ZC3H18: variants seen among roughly 807,000 people sequenced by gnomAD.
The protein encoded by ZC3H18 is zinc finger CCCH-type containing 18, also known as zinc finger CCCH domain-containing protein 18.
A neutral mutation model predicts 106.1 loss-of-function variants in ZC3H18; 8 were observed. That is an observed-to-expected ratio of 0.08 (90% CI 0.04 to 0.14). The LOEUF (loss-of-function observed/expected upper bound fraction) is 0.14, where lower values mean the gene tolerates loss of function less well. ZC3H18 is among the 10% of genes least tolerant of loss of function. The pLI is 1.00. For missense variants in ZC3H18, 1,318 were observed against 1,278.4 expected, an observed-to-expected ratio of 1.03 and a Z score of -0.47; for synonymous variants, 635 against 522.1, an observed-to-expected ratio of 1.22 and a Z score of -2.95.
At chr16:88,603,023 G>C (rs1326477406) in intron 6 of ZC3H18, among the ~76,000 whole-genome samples, 1 of 151,274 alleles carries the variant, frequency 6.6e-6, no homozygotes, top group Non-Finnish European at 1.5e-5. Context: ...GGAGTGTAGT[G>C]GTGCCATCTT....
At chr16:88,620,754 A>G (rs1905907627) in intron 8 of ZC3H18, among the ~76,000 whole-genome samples, 1 of 152,166 alleles carries the variant, frequency 6.6e-6, no homozygotes, top group South Asian at 2.1e-4. Flanking sequence ...AAGAACCTGT[A>G]AAATGTGTAT....
intron 3 of ZC3H18, among the ~76,000 whole-genome samples, chr16:88,594,130 C>T (rs763564835): frequency 6.6e-5 from 10 of 152,242 alleles, no homozygotes; most frequent in South Asian, 4.1e-4. Flanking sequence ...TGAGCCACAG[C>T]GGCCCTTCAT....
chr16:88,586,776 G>A (rs757297589), intron 3 of ZC3H18, 92 bp downstream of exon 3: 4 of 976,422 alleles, frequency 4.1e-6, no homozygotes, highest in Admixed American at 2.0e-5. Flanking sequence ...GCCCTGCTCT[G>A]CTCAAGGCAG....
chr16:88,591,449 C>G (rs1024489879), intron 3 of ZC3H18, among the ~76,000 whole-genome samples: 1 of 152,154 alleles, frequency 6.6e-6, no homozygotes, highest in African/African-American at 2.4e-5. Flanking sequence ...GAGCACACCT[C>G]TAATTCCAGC....
intron 8 of ZC3H18, among the ~76,000 whole-genome samples, chr16:88,614,363 C>T (rs1432763256): frequency 1.3e-5 from 2 of 152,244 alleles, no homozygotes; most frequent in Non-Finnish European, 2.9e-5. Flanking sequence ...TTGTCCTCCT[C>T]ATCTTGTCCG....
chr16:88,598,544 A>G (rs1904575123), intron 4 of ZC3H18, 76 bp from the exon 5 acceptor site: 1 of 1,492,104 alleles, frequency 6.7e-7, no homozygotes, highest in Non-Finnish European at 9.2e-7. Flanking sequence ...GTTGTAGTTG[A>G]TGTTTTTACT....
At chr16:88,583,563 C>G (rs566934155) in intron 2 of ZC3H18, among the ~76,000 whole-genome samples, 20 of 152,332 alleles carry the variant, frequency 1.3e-4, no homozygotes, top group African/African-American at 4.8e-4. Context: ...TGGGCCTTTT[C>G]CCCCACTGCA....
At chr16:88,620,423 A>G (rs746327854) in intron 8 of ZC3H18, among the ~76,000 whole-genome samples, 1 of 152,090 alleles carries the variant, frequency 6.6e-6, no homozygotes, top group Non-Finnish European at 1.5e-5. Context: ...ACCTCAAATC[A>G]ATGTTTAATG....
chr16:88,577,406 T>A lies in ZC3H18; in HGVS notation c.283T>A (p.Ser95Thr). The part of the protein sequence containing the change: ...VNELSRGPTS[S>T]PCEEEGDEGE... Reference sequence around the variant, plus strand: ...TGAGCTGAGCCGGGGCCCGACCAGCTCCCCCTGCGAGGAGGAGGGGGACGA... The same window carrying A: ...TGAGCTGAGCCGGGGCCCGACCAGCACCCCCTGCGAGGAGGAGGGGGACGA... Residue 95 changes from serine (S) to threonine (T), a missense_variant, in exon 2 of 18, where the codon TCC (serine) becomes ACC (threonine). Physicochemically the swap from Ser to Thr is moderately conservative, Grantham distance 58. This residue lies in a region of ZC3H18 where 346 missense variants were observed against 269.0 expected (regional missense o/e 1.29). Coordinates refer to ENST00000301011, the MANE Select transcript of ZC3H18 (RefSeq NM_144604.4). 6.3e-7 allele frequency: 1 copy of A among 1,598,736 alleles called. No homozygotes were observed. The highest frequency in any genetic ancestry group is 8.5e-7 in the Non-Finnish European group (1 of 1,171,022).
chr16:88,584,061 G>A lies in ZC3H18; in HGVS notation c.604-2539G>A, dbSNP rs1205461478. On this transcript the variant is annotated intron_variant, in intron 2 of 17. Coordinates refer to ENST00000301011, the MANE Select transcript of ZC3H18 (RefSeq NM_144604.4). ...ACTTGTTTTAATTATCCATTATTTA[G>A]TGATTTGTTTATTTATTTTGGGAGG... Among the ~76,000 whole-genome samples the A allele has an allele frequency of 3.3e-5, 5 of 152,102 alleles. No individual in the cohort carries two copies. The East Asian group carries it at 5.8e-4, about 18-fold the overall frequency.
Position 88,577,641 on chromosome 16 carries a change from G to A in ZC3H18, c.518G>A (p.Ser173Asn), listed in dbSNP as rs1914847435. 2 of 1,613,860 alleles carry A rather than the reference G, an allele frequency of 1.2e-6. No homozygotes were observed. The highest frequency in any genetic ancestry group is 8.5e-7 in the Non-Finnish European group (1 of 1,180,048). Reference protein sequence around the residue: ...PREEGKAGVQSVGEKESLEAA... With the variant: ...PREEGKAGVQNVGEKESLEAA... ...GAGGAGGGGAAGGCTGGTGTTCAGA[G>A]TGTGGGAGAAAAGGAATCCCTGGAG... is the stretch of plus-strand genomic sequence containing the variant. The change falls in exon 2 of 18, where the codon AGT becomes AAT. Residue 173 changes from serine to asparagine, a missense_variant. Around this residue, in one of 6 missense-constraint regions of ZC3H18, gnomAD observed 346 missense variants for 269.0 expected, o/e 1.29. Coordinates refer to ENST00000301011, the MANE Select transcript of ZC3H18 (RefSeq NM_144604.4).
At chr16:88,580,765 G>T (rs975689695) in intron 2 of ZC3H18, among the ~76,000 whole-genome samples, 1 of 152,244 alleles carries the variant, frequency 6.6e-6, no homozygotes, top group Admixed American at 6.5e-5. Flanking sequence ...CAGGCCTTTC[G>T]CCCGGTCCCC....
intron 1 of ZC3H18, among the ~76,000 whole-genome samples, chr16:88,576,111 A>G (rs151333306): frequency 6.6e-6 from 1 of 152,138 alleles, no homozygotes; most frequent in East Asian, 1.9e-4. Flanking sequence ...CGTGTTAGCC[A>G]GGATGGTCTC....
intron 10 of ZC3H18, 56 bp from the exon 11 acceptor site, chr16:88,623,902 G>C (rs899870923): frequency 1.9e-6 from 3 of 1,550,518 alleles, no homozygotes; most frequent in Non-Finnish European, 2.6e-6. Context: ...CAGTGGGCTT[G>C]GGCTGGTGAA....
chr16:88,587,378 C>T (rs1285624219), intron 3 of ZC3H18, among the ~76,000 whole-genome samples: 1 of 152,124 alleles, frequency 6.6e-6, no homozygotes, highest in Non-Finnish European at 1.5e-5. Flanking sequence ...TGATGTGCAG[C>T]AGTAGTTTTG....
rs770065499 is a variant in ZC3H18 at position 88,598,659 on chromosome 16, C to G, written c.877C>G (p.Pro293Ala). The change falls in exon 5 of 18, where the codon CCA (proline) becomes GCA (alanine). Residue 293 changes from proline to alanine, a missense_variant. This residue lies in a region of ZC3H18 where 78 missense variants were observed against 67.3 expected (regional missense o/e 1.16). Coordinates refer to ENST00000301011, the MANE Select transcript of ZC3H18 (RefSeq NM_144604.4). The part of the protein sequence containing the change: ...VVDEILPPPP[P>A]EPPTESAWER... ...TGATGAAATTTTGCCTCCACCCCCTCCAGAGCCCCCAACAGAGAGTGCCTG... is the reference window on the plus strand; with the variant it reads ...TGATGAAATTTTGCCTCCACCCCCTGCAGAGCCCCCAACAGAGAGTGCCTG... The G allele has an allele frequency of 5.0e-6, 8 of 1,612,986 alleles. No homozygotes were observed. The highest frequency in any genetic ancestry group is 6.8e-6 in the Non-Finnish European group (8 of 1,179,572).
At chr16:88,590,664 A>G (rs1434824469) in intron 3 of ZC3H18, among the ~76,000 whole-genome samples, 1 of 138,634 alleles carries the variant, frequency 7.2e-6, no homozygotes, top group African/African-American at 2.7e-5. Flanking sequence ...GGTTCAAGCT[A>G]TTCTTCTGTC....
chr16:88,590,817 C>G (rs1915708174), intron 3 of ZC3H18, among the ~76,000 whole-genome samples: 2 of 152,040 alleles, frequency 1.3e-5, no homozygotes, highest in African/African-American at 4.8e-5. Flanking sequence ...ACCTCAGCCT[C>G]CCAGAGTGCT....
rs551091708 is a variant in ZC3H18 at position 88,597,079 on chromosome 16, T to C, written c.689-1099T>C. Among the ~76,000 whole-genome samples the C allele has an allele frequency of 2.0e-4, 30 of 152,254 alleles. 1 individual carries two copies. The East Asian group carries it at 5.6e-3, about 28-fold the overall frequency. ...GGGACTACAGGCACCTGCCACCACGTCCGGCTAATTTTTTGTATTTTTTAG... is the reference window on the plus strand; with the variant it reads ...GGGACTACAGGCACCTGCCACCACGCCCGGCTAATTTTTTGTATTTTTTAG... On this transcript the variant is annotated intron_variant, in intron 3 of 17. Coordinates refer to ENST00000301011, the MANE Select transcript of ZC3H18 (RefSeq NM_144604.4).
Sources: gnomAD v4.1 joint callset for allele counts (sites outside exome capture counted in the v4.1 genomes callset) on GRCh38, gnomAD v4.1.1 for gene constraint, gnomAD v4.1.1 regional missense constraint, MANE v1.5 for transcripts, NCBI Gene and HGNC (gene_info 2026-07-23, HGNC 2026-07-21) for gene names.